The following CCT5 variants were observed in gnomAD, a reference collection of about 807,000 sequenced individuals.
The protein encoded by CCT5 is chaperonin containing TCP1 subunit 5, also known as T-complex protein 1 subunit epsilon.
A neutral mutation model predicts 55.0 loss-of-function variants in CCT5; 6 were observed. The ratio of observed to expected loss-of-function variants is 0.11; its 90% CI spans 0.06 to 0.22. CCT5 has a LOEUF of 0.22. Among genes scored for constraint, CCT5 ranks in the 10% least tolerant of loss-of-function variants. CCT5 has a pLI of 1.00. For missense variants in CCT5, 560 were observed against 694.6 expected (o/e 0.81, Z 2.18); for synonymous variants, 231 against 243.7 (o/e 0.95, Z 0.49).
chr5:10,258,525 T>C lies in CCT5; in HGVS notation c.863T>C (p.Met288Thr), dbSNP rs1579452254. The change falls in exon 6 of 11, where the codon ATG (methionine) becomes ACG (threonine). Residue 288 changes from methionine (M) to threonine (T), a missense_variant. Met to Thr is a moderately conservative substitution (Grantham distance 81). This residue lies in a region of CCT5 where 256 missense variants were observed against 372.4 expected (regional missense o/e 0.69). Transcript: ENST00000280326. ...TACGAAAAGGAGAAATTTGAAGAGA[T>C]GATTCAACAAGTAAGTCTTACCAGA... ...QKYEKEKFEEMIQQIKETGAN... is the reference protein window; with the variant it reads ...QKYEKEKFEETIQQIKETGAN... The C allele has an allele frequency of 1.9e-6, 3 of 1,613,572 alleles. No homozygotes were observed. In the East Asian group the frequency reaches 6.7e-5, roughly 36 times the overall value.
At position 10,264,737 on chromosome 5, in the gene CCT5, T is replaced by G. The variant is rs755706741; in HGVS notation, c.1580T>G (p.Ile527Ser). ...ISLATQMVRM[I>S]LKIDDIRKPG... Reference sequence around the variant, plus strand: ...CTTGCAACACAAATGGTTAGAATGATTTTGAAGATTGATGACATTCGTAAG... The same window carrying G: ...CTTGCAACACAAATGGTTAGAATGAGTTTGAAGATTGATGACATTCGTAAG... Residue 527 changes from isoleucine (I) to serine (S), a missense_variant, in exon 11 of 11, where the codon ATT becomes AGT. Physicochemically the swap from Ile to Ser is moderately radical, Grantham distance 142. Transcript: ENST00000280326. The G allele has an allele frequency of 1.9e-5, 30 of 1,613,550 alleles. No homozygotes were observed. Among genetic ancestry groups the G allele is most frequent in the Non-Finnish European group, 2.5e-5 (29 of 1,179,572 alleles).
intron 1 of CCT5, among the ~76,000 whole-genome samples, chr5:10,252,389 G>A (rs955577251): frequency 6.6e-6 from 1 of 152,180 alleles, no homozygotes; most frequent in Non-Finnish European, 1.5e-5. Context: ...GAGCCTTAAA[G>A]GTAATATGTA....
In CCT5 at chr5:10,265,026, C is replaced by T. The variant is rs1746152343; in HGVS notation, c.*243C>T. On this transcript the variant is annotated 3_prime_UTR_variant, in exon 11 of 11. Transcript: ENST00000280326. ...TCTGTTTAAACAACCTTTATCTTCT[C>T]TTCGGGTTTAAGAAACGTTTATTGT... 2 of 458,970 alleles carry T rather than the reference C, an allele frequency of 4.4e-6. No individual in the cohort carries two copies. Among genetic ancestry groups the T allele is most frequent in the Admixed American group, 3.9e-5 (1 of 25,384 alleles). 28.4% of individuals were successfully genotyped at this position (458,970 alleles called of 1,614,324 possible). A position where few individuals can be genotyped will look rare whatever the true frequency, so the allele number is the denominator to read the frequency against.
chr5:10,261,123 C>G, intron 7 of CCT5: 1 of 633,210 alleles, frequency 1.6e-6, no homozygotes, highest in East Asian at 3.0e-5. Flanking sequence ...TTTTGAAATT[C>G]TCTCCCTGTG....
At chr5:10,260,957 T>A in intron 7 of CCT5, 46 bp downstream of exon 7, 1 of 1,607,524 alleles carries the variant, frequency 6.2e-7, no homozygotes, top group Non-Finnish European at 8.5e-7. Context: ...GGGGTTCATC[T>A]TATGTGTTGA....
intron 1 of CCT5, among the ~76,000 whole-genome samples, chr5:10,253,518 G>T (rs529339415): frequency 6.6e-6 from 1 of 152,262 alleles, no homozygotes; most frequent in East Asian, 1.9e-4. Context: ...TCCCAAGTAG[G>T]GGGGGTTGCA....
rs771812955 is a variant in CCT5, at chr5:10,258,374, G to A, written c.724-12G>A. ...ATTCCACCAATTAAAATGTCTTTAT[G>A]TTCCCCCATAGAAAGTGGAAGATGC... On this transcript the variant is annotated splice_polypyrimidine_tract_variant and intron_variant, in intron 5 of 10. Coordinates refer to ENST00000280326, the MANE Select transcript of CCT5 (RefSeq NM_012073.5). 4.3e-6 allele frequency: 7 copies of A among 1,614,046 alleles called. 1 individual carries two copies. Among genetic ancestry groups the A allele is most frequent in the Admixed American group, 3.3e-5 (2 of 60,024 alleles).
chr5:10,255,897 T>C, intron 3 of CCT5, 58 bp from the exon 4 acceptor site: 1 of 1,463,290 alleles, frequency 6.8e-7, no homozygotes, highest in Admixed American at 1.7e-5. Flanking sequence ...GTGCTGATTA[T>C]ACTAAAAGTG....
intron 8 of CCT5, 51 bp downstream of exon 8, chr5:10,261,796 CT>C: frequency 6.6e-7 from 1 of 1,514,444 alleles, no homozygotes; most frequent in South Asian, 1.1e-5. Flanking sequence ...GCTTCATGGT[CT>C]GGCTTTTTTG....
Position 10,254,222 on chromosome 5 carries a change from C to A in CCT5, c.166+17C>A. On this transcript the variant is annotated intron_variant, in intron 2 of 10. Coordinates refer to ENST00000280326, the MANE Select transcript of CCT5 (RefSeq NM_012073.5). ...GACCAAATGGTAAGAGTCCACCATT[C>A]CGTGTTTTTTAGCAAAAGATTTAAA... 1.3e-6 allele frequency: 2 copies of A among 1,542,044 alleles called. No individual in the cohort carries two copies. The highest frequency in any genetic ancestry group is 1.8e-6 in the Non-Finnish European group (2 of 1,114,626).
At position 10,258,244 on chromosome 5, in the gene CCT5, A is replaced by G; in HGVS notation, c.664A>G (p.Thr222Ala). The change falls in exon 5 of 11, where the codon ACT (threonine) becomes GCT (alanine). Residue 222 changes from threonine to alanine, a missense_variant. Transcript: ENST00000280326. ...CAAAGTGGGCGGCAGGCTGGAGGAC[A>G]CTAAACTGATTAAGGGCGTGATTGT... is the stretch of plus-strand genomic sequence containing the variant. ...EGKVGGRLED[T>A]KLIKGVIVDK... is the part of the protein sequence containing the mutation. The G allele has an allele frequency of 6.2e-7, 1 of 1,614,260 alleles. No homozygotes were observed. The highest frequency in any genetic ancestry group is 8.5e-7 in the Non-Finnish European group (1 of 1,180,050).
At position 10,262,591 on chromosome 5, in the gene CCT5, C is replaced by T. The variant is rs576837156; in HGVS notation, c.1290C>T (p.Ala430=). 1.4e-5 allele frequency: 22 copies of T among 1,614,204 alleles called. No individual in the cohort carries two copies. The Middle Eastern group carries it at 4.9e-4, about 36-fold the overall frequency. ...GAGGGGCTGCTGAGATATCCTGTGC[C>T]CTGGCAGTTAGCCAAGAGGCGGATA... ...YGGGAAEISC[A]LAVSQEADKC... The change falls in exon 9 of 11, where the codon GCC becomes GCT. Residue 430 remains alanine, a synonymous_variant. Transcript: ENST00000280326.
intron 6 of CCT5, among the ~76,000 whole-genome samples, chr5:10,260,462 C>T (rs1401882549): frequency 6.6e-6 from 1 of 152,206 alleles, no homozygotes; most frequent in Admixed American, 6.5e-5. Context: ...GAGCTGTTAG[C>T]CATTTCCCCA....
intron 10 of CCT5, among the ~76,000 whole-genome samples, chr5:10,263,548 C>G (rs1360107045): frequency 6.6e-6 from 1 of 152,152 alleles, no homozygotes; most frequent in African/African-American, 2.4e-5. Context: ...GTACTATCAC[C>G]AAAGATGACT....
At chr5:10,257,437 TCTA>T (rs1273438731) in intron 4 of CCT5, among the ~76,000 whole-genome samples, 1 of 152,260 alleles carries the variant, frequency 6.6e-6, no homozygotes, top group Non-Finnish European at 1.5e-5. Context: ...TATTAAGTCA[TCTA>T]CTTAAGATAC....
intron 3 of CCT5, among the ~76,000 whole-genome samples, chr5:10,255,239 G>A (rs760696941): frequency 1.2e-4 from 18 of 152,312 alleles, no homozygotes; most frequent in Non-Finnish European, 2.4e-4. Flanking sequence ...TAAATACTTA[G>A]GAGTGACATG....
Position 10,263,212 on chromosome 5 carries a change from A to T in CCT5, c.1396A>T (p.Ser466Cys), listed in dbSNP as rs1162324764. The T allele has an allele frequency of 1.9e-6, 3 of 1,614,108 alleles. No homozygotes were observed. The African/African-American group carries it at 4.0e-5, about 22-fold the overall frequency. ...CATCCCCATGGCCCTCTCTGAAAACAGTGGCATGAATCCCATCCAGACTAT... is the reference window on the plus strand; with the variant it reads ...CATCCCCATGGCCCTCTCTGAAAACTGTGGCATGAATCCCATCCAGACTAT... ...EVIPMALSEN[S>C]GMNPIQTMTE... Residue 466 changes from serine (S) to cysteine (C), a missense_variant, in exon 10 of 11, where the codon AGT becomes TGT. Around this residue, in one of 4 missense-constraint regions of CCT5, gnomAD observed 115 missense variants for 105.0 expected, o/e 1.10. Coordinates refer to ENST00000280326, the MANE Select transcript of CCT5 (RefSeq NM_012073.5).
chr5:10,250,350 A>T lies in CCT5; in HGVS notation c.10A>T (p.Met4Leu). The T allele has an allele frequency of 6.2e-7, 1 of 1,614,090 alleles. No homozygotes were observed. The highest frequency in any genetic ancestry group is 8.5e-7 in the Non-Finnish European group (1 of 1,180,026). The stretch of plus-strand genomic sequence containing the variant: ...TTCCGGTTGTTGCACCATGGCGTCC[A>T]TGGGGACCCTCGCCTTCGATGAATA... MAS[M>L]GTLAFDEYGR... The change falls in exon 1 of 11, where the codon ATG becomes TTG. Residue 4 changes from methionine (M) to leucine (L), a missense_variant. Physicochemically the swap from Met to Leu is conservative, Grantham distance 15. Transcript: ENST00000280326.
chr5:10,250,097 A>G (rs953050062), upstream of CCT5: 37 of 1,536,768 alleles, frequency 2.4e-5, no homozygotes, highest in African/African-American at 4.8e-4. Flanking sequence ...TGTGTGTCCT[A>G]AGATTTCCAC....
Sources: allele counts gnomAD v4.1 joint callset (sites outside exome capture counted in the v4.1 genomes callset), GRCh38; gene constraint gnomAD v4.1.1; regional missense constraint gnomAD v4.1.1; transcripts MANE v1.5; gene names NCBI Gene and HGNC (gene_info 2026-07-23, HGNC 2026-07-21).